SGCZ: variants seen among roughly 807,000 people sequenced by gnomAD.
SGCZ encodes the protein sarcoglycan zeta.
SGCZ carries 40 observed loss-of-function variants against 41.3 expected under a neutral mutation model. The ratio of observed to expected loss-of-function variants is 0.97; its 90% confidence interval spans 0.75 to 1.26. The LOEUF is 1.26. SGCZ is among the 50% of genes most tolerant of loss of function. The pLI is 0.00. For synonymous variants in SGCZ, 206 were observed against 137.5 expected, an observed-to-expected ratio of 1.50 and a Z score of -3.49; for missense variants, 552 against 369.8, an observed-to-expected ratio of 1.49 and a Z score of -4.04.
intron 1 of SGCZ, among the ~76,000 whole-genome samples, chr8:14,902,710 C>G (rs1585364039): frequency 6.6e-6 from 1 of 152,042 alleles, no homozygotes; most frequent in Admixed American, 6.6e-5. Context: ...TATCACAAAA[C>G]AAACATGATT....
intron 4 of SGCZ, among the ~76,000 whole-genome samples, chr8:14,176,928 A>T (rs2117012515): frequency 6.6e-6 from 1 of 152,208 alleles, no homozygotes; most frequent in Non-Finnish European, 1.5e-5. Flanking sequence ...GTCCTAATAA[A>T]CTCAAGAACA....
chr8:14,357,024 T>TATA (rs1437165285), intron 2 of SGCZ, among the ~76,000 whole-genome samples: 5 of 152,002 alleles, frequency 3.3e-5, no homozygotes, highest in African/African-American at 9.7e-5. Context: ...TGAGAAGCAA[T>TATA]ATAATTATTT....
At chr8:14,891,102 C>A (rs34895619) in intron 1 of SGCZ, among the ~76,000 whole-genome samples, 1,735 of 152,276 alleles carry the variant, frequency 0.011, 15 homozygotes, top group Non-Finnish European at 0.018. Flanking sequence ...TGTTTCCATG[C>A]CTGCAAGAAG....
chr8:14,983,107 T>C (rs1025397327), intron 1 of SGCZ, among the ~76,000 whole-genome samples: 1 of 152,172 alleles, frequency 6.6e-6, no homozygotes, highest in Admixed American at 6.5e-5. Flanking sequence ...GTTAATAAGA[T>C]TTTGAGAACA....
At chr8:15,120,147 A>G (rs928371028) in intron 1 of SGCZ, among the ~76,000 whole-genome samples, 1 of 152,154 alleles carries the variant, frequency 6.6e-6, no homozygotes, top group East Asian at 1.9e-4. Context: ...ATCCTGACCC[A>G]ATTTTTATAT....
intron 1 of SGCZ, among the ~76,000 whole-genome samples, chr8:15,209,090 T>C (rs903530063): frequency 4.3e-5 from 5 of 115,214 alleles, no homozygotes; most frequent in African/African-American, 1.5e-4. Context: ...CACTCATAAC[T>C]TTGCATCACA....
intron 1 of SGCZ, among the ~76,000 whole-genome samples, chr8:14,909,523 A>T (rs1241455575): frequency 6.6e-6 from 1 of 152,170 alleles, no homozygotes; most frequent in Non-Finnish European, 1.5e-5. Flanking sequence ...TGTGCTAACC[A>T]TTCCCAAGTC....
At chr8:15,026,564 C>A (rs1222803927) in intron 1 of SGCZ, among the ~76,000 whole-genome samples, 2 of 152,140 alleles carry the variant, frequency 1.3e-5, no homozygotes, top group African/African-American at 4.8e-5. Flanking sequence ...GCTGTAATCC[C>A]AGCTGTGCTC....
chr8:14,292,481 A>T (rs1218873972), intron 3 of SGCZ, among the ~76,000 whole-genome samples: 2 of 152,052 alleles, frequency 1.3e-5, no homozygotes, highest in African/African-American at 4.8e-5. Context: ...TAAACTAGAG[A>T]TCAACAAAGA....
At chr8:14,463,459 C>G (rs960364106) in intron 2 of SGCZ, among the ~76,000 whole-genome samples, 1 of 148,458 alleles carries the variant, frequency 6.7e-6, no homozygotes, top group Admixed American at 6.7e-5. Context: ...AAGTTGAACC[C>G]TTACTTAATA....
At chr8:15,139,823 T>C (rs892378604) in intron 1 of SGCZ, among the ~76,000 whole-genome samples, 2 of 152,176 alleles carry the variant, frequency 1.3e-5, no homozygotes, top group Admixed American at 6.5e-5. Flanking sequence ...TTTTTAATTA[T>C]TAGTGATAGT....
At chr8:14,623,686 T>C (rs1056501100) in intron 1 of SGCZ, among the ~76,000 whole-genome samples, 6 of 152,192 alleles carry the variant, frequency 3.9e-5, no homozygotes, top group African/African-American at 1.2e-4. Flanking sequence ...GTTTATAATT[T>C]TTAACCCCTT....
chr8:15,235,179 C>A (rs1038033499), intron 1 of SGCZ, among the ~76,000 whole-genome samples: 1 of 152,260 alleles, frequency 6.6e-6, no homozygotes, highest in African/African-American at 2.4e-5. Context: ...ACCAAGCCAA[C>A]CAACTCCGCT....
At chr8:15,107,112 T>C (rs1412827248) in intron 1 of SGCZ, among the ~76,000 whole-genome samples, 2 of 152,302 alleles carry the variant, frequency 1.3e-5, no homozygotes, top group East Asian at 3.9e-4. Flanking sequence ...TTCTAATTAA[T>C]ATTTGTATTA....
intron 1 of SGCZ, among the ~76,000 whole-genome samples, chr8:15,017,510 A>AT (rs956777441): frequency 1.2e-4 from 18 of 151,212 alleles, no homozygotes; most frequent in African/African-American, 2.2e-4. Flanking sequence ...GCATCACATT[A>AT]TTTTTTTTTG....
chr8:15,027,515 G>A (rs1198592336), intron 1 of SGCZ, among the ~76,000 whole-genome samples: 2 of 152,102 alleles, frequency 1.3e-5, no homozygotes, highest in Admixed American at 6.5e-5. Flanking sequence ...GTAAAATTCT[G>A]CCTTTCTAGA....
chr8:14,468,143 T>C (rs1198845945), intron 2 of SGCZ, among the ~76,000 whole-genome samples: 1 of 152,028 alleles, frequency 6.6e-6, no homozygotes, highest in Non-Finnish European at 1.5e-5. Context: ...ATCATTCCAG[T>C]TCCATCACTT....
intron 3 of SGCZ, among the ~76,000 whole-genome samples, chr8:14,241,071 C>T (rs1798864365): frequency 6.6e-6 from 1 of 151,990 alleles, no homozygotes; most frequent in Non-Finnish European, 1.5e-5. Context: ...ATGAATGCTC[C>T]TTAAGTTTTA....
rs1408574493 is a variant in SGCZ, at chr8:14,784,913, A to AAATAT, written c.40-229988_40-229987insATATT. ...GTGAAACTCTGCCTCAAAAAAAAAA[A>AAATAT]ATATATATATATATATATATAAAAT... is the stretch of plus-strand genomic sequence containing the variant. On this transcript the variant is annotated intron_variant, in intron 1 of 7. Transcript: ENST00000382080. Among the ~76,000 whole-genome samples the AAATAT allele has an allele frequency of 1.7e-3, 148 of 88,018 alleles. 6 individuals are homozygous for AAATAT. The highest frequency in any genetic ancestry group is 0.012 in the Middle Eastern group (2 of 162). The allele number at this position is 88,018 out of a possible 152,430, so 57.7% of individuals were successfully genotyped here.
Sources: gnomAD v4.1 joint callset for allele counts (sites outside exome capture counted in the v4.1 genomes callset) on GRCh38, gnomAD v4.1.1 for gene constraint, MANE v1.5 for transcripts, NCBI Gene and HGNC (gene_info 2026-07-23, HGNC 2026-07-21) for gene names.